LRRIQ3: variants seen among roughly 807,000 people sequenced by gnomAD.
LRRIQ3 encodes the protein leucine-rich repeat and IQ domain-containing protein 3.
In LRRIQ3, 75 loss-of-function variants were observed where a neutral mutation model predicts 59.3. That is an observed-to-expected ratio of 1.26 (90% CI 1.05 to 1.53). The LOEUF (loss-of-function observed/expected upper bound fraction) is 1.53. LRRIQ3 is among the 40% of genes most tolerant of loss of function. The pLI, the probability that LRRIQ3 is intolerant of heterozygous loss-of-function variation, is 0.00. For synonymous variants in LRRIQ3, 250 were observed against 231.3 expected (o/e 1.08, Z -0.73); for missense variants, 831 against 710.0 (o/e 1.17, Z -1.94).
rs1653531861 is a variant in LRRIQ3 at position 74,026,923 on chromosome 1, C to A, written c.1765G>T (p.Asp589Tyr). Residue 589 changes from aspartate to tyrosine, a missense_variant, in exon 8 of 8, where the codon GAT (aspartate) becomes TAT (tyrosine). Transcript: ENST00000354431. ...KRHCEEKFVM[D>Y]MIAFEKACER... ...CAGGCTTTTTCAAAGGCAATCATAT[C>A]CATAACAAATTTTTCTTCACAATGT... 1.3e-6 allele frequency: 2 copies of A among 1,592,138 alleles called. No individual in the cohort carries two copies. The highest frequency in any genetic ancestry group is 1.7e-5 in the Admixed American group (1 of 57,648).
In LRRIQ3 at chr1:74,107,787, T is replaced by C. The variant is rs1458342885; in HGVS notation, c.867+1607A>G. On this transcript the variant is annotated intron_variant, in intron 5 of 7. Coordinates refer to ENST00000354431, the MANE Select transcript of LRRIQ3 (RefSeq NM_001105659.2). ...GAAATTGAGATGAAGACAACTTCTA[T>C]AATATTCTATGAATGGTGGTTATAA... is the stretch of plus-strand genomic sequence containing the variant. Among the ~76,000 whole-genome samples, 5 of 151,472 alleles carry C rather than the reference T, an allele frequency of 3.3e-5. No individual in the cohort carries two copies. The South Asian group carries it at 8.3e-4, about 25-fold the overall frequency.
intron 5 of LRRIQ3, among the ~76,000 whole-genome samples, chr1:74,091,397 C>T (rs1206609063): frequency 6.6e-6 from 1 of 151,902 alleles, no homozygotes; most frequent in African/African-American, 2.4e-5. Flanking sequence ...GTACACAAGA[C>T]CTGAGGTATC....
chr1:74,116,125 A>T lies in LRRIQ3; in HGVS notation c.708-6572T>A, dbSNP rs528910611. ...ACAGCTTAAAACAATAAAACAGAAG[A>T]ATTCTCCAATATAGACGTTTTTCCA... On this transcript the variant is annotated intron_variant, in intron 4 of 7. Coordinates refer to ENST00000354431, the MANE Select transcript of LRRIQ3 (RefSeq NM_001105659.2). Among the ~76,000 whole-genome samples, 19 of 152,188 alleles carry T rather than the reference A, an allele frequency of 1.2e-4. No homozygotes were observed. The East Asian group carries it at 2.5e-3, about 20-fold the overall frequency.
chr1:74,077,850 C>T (rs1031834412), intron 5 of LRRIQ3, among the ~76,000 whole-genome samples: 2 of 151,826 alleles, frequency 1.3e-5, no homozygotes, highest in South Asian at 2.1e-4. Context: ...TGTGCACTTA[C>T]TGATAGATCT....
chr1:74,042,703 A>T (rs1455384734), intron 6 of LRRIQ3, among the ~76,000 whole-genome samples: 1 of 152,180 alleles, frequency 6.6e-6, no homozygotes, highest in African/African-American at 2.4e-5. Flanking sequence ...GGTGGAAAAT[A>T]GTAGCAGCCA....
chr1:74,089,274 GA>G (rs1646368428), intron 5 of LRRIQ3, among the ~76,000 whole-genome samples: 1 of 151,994 alleles, frequency 6.6e-6, no homozygotes, highest in South Asian at 2.1e-4. Flanking sequence ...GTCAAGTGTA[GA>G]ATTACCATAT....
intron 5 of LRRIQ3, among the ~76,000 whole-genome samples, chr1:74,104,042 A>G (rs1347792783): frequency 1.3e-5 from 2 of 152,110 alleles, no homozygotes; most frequent in African/African-American, 4.8e-5. Flanking sequence ...AAATTATCTC[A>G]TCTTTCTAAT....
chr1:74,078,499 TTGG>T (rs1292226780), intron 5 of LRRIQ3, among the ~76,000 whole-genome samples: 1 of 151,846 alleles, frequency 6.6e-6, no homozygotes, highest in Non-Finnish European at 1.5e-5. Flanking sequence ...ACTGGGATAC[TTGG>T]TGGTGATTTT....
intron 6 of LRRIQ3, among the ~76,000 whole-genome samples, chr1:74,073,329 T>C (rs1391488809): frequency 6.6e-6 from 1 of 151,976 alleles, no homozygotes; most frequent in Non-Finnish European, 1.5e-5. Context: ...CTGGGCAACA[T>C]GGTGAAACTC....
At chr1:74,179,488 C>T (rs1649848818) in intron 3 of LRRIQ3, among the ~76,000 whole-genome samples, 1 of 151,924 alleles carries the variant, frequency 6.6e-6, no homozygotes, top group Non-Finnish European at 1.5e-5. Flanking sequence ...ATTGTGTGAA[C>T]TCTTACAAGG....
intron 3 of LRRIQ3, among the ~76,000 whole-genome samples, chr1:74,163,344 TA>T (rs1305030005): frequency 1.3e-5 from 2 of 151,596 alleles, no homozygotes; most frequent in Admixed American, 6.6e-5. Context: ...TCTTTTGCAT[TA>T]TTTAAATCAG....
At chr1:74,132,547 C>T (rs1647042942) in intron 4 of LRRIQ3, among the ~76,000 whole-genome samples, 1 of 152,170 alleles carries the variant, frequency 6.6e-6, no homozygotes, top group Middle Eastern at 3.4e-3. Context: ...ACAGAGCCCT[C>T]AGAAATAATA....
At chr1:74,189,752 CTT>C (rs1650639322) in intron 1 of LRRIQ3, among the ~76,000 whole-genome samples, 1 of 152,098 alleles carries the variant, frequency 6.6e-6, no homozygotes, top group South Asian at 2.1e-4. Flanking sequence ...CTCATTCTCT[CTT>C]GTCTGCTGCC....
rs2100727367 is a variant in LRRIQ3, at chr1:74,183,669, C to T, written c.16G>A (p.Val6Ile). 1.9e-6 allele frequency: 3 copies of T among 1,570,940 alleles called. No homozygotes were observed. Among genetic ancestry groups the T allele is most frequent in the Non-Finnish European group, 2.6e-6 (3 of 1,159,968 alleles). The change falls in exon 2 of 8, where the codon GTC becomes ATC. Residue 6 changes from valine (V) to isoleucine (I), a missense_variant. By Grantham distance (29) the Val-to-Ile change is conservative. Transcript: ENST00000354431. MFHGT[V>I]TEELTSHEEW... ...TCATGACTGGTTAGCTCTTCTGTGA[C>T]TGTTCCATGAAACATCTAGGAAAGA...
intron 4 of LRRIQ3, among the ~76,000 whole-genome samples, chr1:74,122,131 T>C (rs547424396): frequency 2.0e-4 from 30 of 152,268 alleles, no homozygotes; most frequent in African/African-American, 6.7e-4. Context: ...ATGGTATTTC[T>C]AGTTCTAGAT....
chr1:74,036,775 T>G (rs1394877778), intron 7 of LRRIQ3, among the ~76,000 whole-genome samples: 1 of 152,156 alleles, frequency 6.6e-6, no homozygotes, highest in Admixed American at 6.5e-5. Context: ...CTTGAATTAT[T>G]TGAATTGAAG....
chr1:74,029,224 T>G (rs967387778), intron 7 of LRRIQ3, among the ~76,000 whole-genome samples: 2 of 152,124 alleles, frequency 1.3e-5, no homozygotes, highest in African/African-American at 4.8e-5. Context: ...CCTGCCTGCT[T>G]GCCCTGGCCA....
At chr1:74,047,773 A>G (rs1292936634) in intron 6 of LRRIQ3, among the ~76,000 whole-genome samples, 1 of 152,064 alleles carries the variant, frequency 6.6e-6, no homozygotes, top group Non-Finnish European at 1.5e-5. Flanking sequence ...TCTGTTGTTT[A>G]TAAGCTACCC....
chr1:74,072,600 A>T (rs963928675), intron 6 of LRRIQ3, among the ~76,000 whole-genome samples: 1 of 152,056 alleles, frequency 6.6e-6, no homozygotes, highest in Non-Finnish European at 1.5e-5. Context: ...AGTGCTCAGG[A>T]GTAATAGTAT....
Sources: allele counts gnomAD v4.1 joint callset (sites outside exome capture counted in the v4.1 genomes callset), GRCh38; gene constraint gnomAD v4.1.1; transcripts MANE v1.5; gene names NCBI Gene and HGNC (gene_info 2026-07-23, HGNC 2026-07-21).